The following PCM1 variants were observed in gnomAD, a reference collection of about 807,000 sequenced individuals.
PCM1 encodes pericentriolar material 1.
PCM1 carries 157 observed loss-of-function variants against 241.9 expected under a neutral mutation model. The ratio of observed to expected loss-of-function variants is 0.65; its 90% confidence interval spans 0.57 to 0.74. The LOEUF is 0.74. Among genes scored for constraint, PCM1 ranks in the 30% least tolerant of loss-of-function variants. The pLI is 0.00. For missense variants in PCM1, 3,478 were observed against 2,360.1 expected, an observed-to-expected ratio of 1.47 and a Z score of -9.81; for synonymous variants, 1,085 against 784.9, an observed-to-expected ratio of 1.38 and a Z score of -6.39.
intron 23 of PCM1, among the ~76,000 whole-genome samples, chr8:17,978,800 TAAAA>T (rs577300227): frequency 3.8e-4 from 58 of 152,000 alleles, no homozygotes; most frequent in Non-Finnish European, 7.4e-4. Context: ...AAAGTAAAAA[TAAAA>T]TATTAGCAAA....
At chr8:17,970,940 G>A in intron 22 of PCM1, among the ~76,000 whole-genome samples, 1 of 151,946 alleles carries the variant, frequency 6.6e-6, no homozygotes. Flanking sequence ...CTTATTCAGG[G>A]GTCAGAAAAC....
intron 36 of PCM1, among the ~76,000 whole-genome samples, chr8:18,021,614 G>C (rs1172454821): frequency 6.6e-6 from 1 of 152,200 alleles, no homozygotes; most frequent in Admixed American, 6.5e-5. Context: ...CAGGTTATCA[G>C]ATAAACAGGA....
intron 36 of PCM1, among the ~76,000 whole-genome samples, chr8:18,022,618 A>G (rs1239187198): frequency 6.6e-6 from 1 of 152,228 alleles, no homozygotes; most frequent in Non-Finnish European, 1.5e-5. Flanking sequence ...TGTAACTACT[A>G]TTGATTTTAT....
In PCM1 at chr8:18,018,199, C is replaced by T. The variant is rs2093409007; in HGVS notation, c.5841+3359C>T. Among the ~76,000 whole-genome samples, 3 of 152,170 alleles carry T rather than the reference C, an allele frequency of 2.0e-5. No homozygotes were observed. The South Asian group carries it at 6.2e-4, about 32-fold the overall frequency. Reference sequence around the variant, plus strand: ...CTAAATTGAGAGGGCACTTAAAGTTCTCTCTGGAAGGAAAGTTAATTTTAG... The same window carrying T: ...CTAAATTGAGAGGGCACTTAAAGTTTTCTCTGGAAGGAAAGTTAATTTTAG... On this transcript the variant is annotated intron_variant, in intron 36 of 38. Transcript: ENST00000325083.
rs762662917 is a variant in PCM1 at position 17,939,858 on chromosome 8, C to T, written c.780C>T (p.Ile260=). ...EKSYMKFLKK[I]LARDPQQEPM... is the part of the protein sequence containing the mutation. ...CATATATGAAATTTCTTAAAAAAAT[C>T]CTTGTAAGTATTCGACTTTTAAAAT... is the stretch of plus-strand genomic sequence containing the variant. The change falls in exon 6 of 39, where the codon ATC becomes ATT. Residue 260 remains isoleucine, a synonymous_variant. Transcript: ENST00000325083. The T allele has an allele frequency of 1.7e-5, 24 of 1,452,922 alleles. 1 individual carries two copies. The highest frequency in any genetic ancestry group is 4.3e-5 in the African/African-American group (3 of 70,380). 90.0% of individuals were successfully genotyped at this position (1,452,922 alleles called of 1,614,324 possible).
rs762779748 is a variant in PCM1, at chr8:17,962,067, A to C, written c.2356A>C (p.Lys786Gln). The C allele has an allele frequency of 1.2e-6, 2 of 1,609,084 alleles. No individual in the cohort carries two copies. The highest frequency in any genetic ancestry group is 2.2e-5 in the East Asian group (1 of 44,738). ...SAASVGNCPTKKYMPAVTSTP... is the reference protein window; with the variant it reads ...SAASVGNCPTQKYMPAVTSTP... ...TGCTAGTGTGGGTAACTGTCCCACC[A>C]AAAAATATATGCCAGCTGTTACTTC... The change falls in exon 16 of 39, where the codon AAA becomes CAA. Residue 786 changes from lysine (K) to glutamine (Q), a missense_variant. Coordinates refer to ENST00000325083, the MANE Select transcript of PCM1 (RefSeq NM_006197.4).
At chr8:17,982,417 A>G (rs972220614) in intron 24 of PCM1, 20 of 152,184 alleles carry the variant, frequency 1.3e-4, no homozygotes, top group African/African-American at 4.8e-4. Flanking sequence ...AAATATAATG[A>G]TTGAATTTTG....
chr8:17,976,648 C>T (rs1468943752), intron 23 of PCM1, among the ~76,000 whole-genome samples: 1 of 152,136 alleles, frequency 6.6e-6, no homozygotes, highest in Admixed American at 6.5e-5. Context: ...TCCAGAGTGC[C>T]ATGGCTGATC....
chr8:18,025,278 C>A, intron 36 of PCM1, 83 bp from the exon 37 acceptor site: 1 of 757,456 alleles, frequency 1.3e-6, no homozygotes, highest in South Asian at 1.6e-5. Context: ...GATAGAATTA[C>A]TGAGAAAATA....
intron 34 of PCM1, 133 bp from the exon 35 acceptor site, chr8:18,013,831 T>C: frequency 1.6e-6 from 1 of 612,744 alleles, no homozygotes; most frequent in Non-Finnish European, 2.9e-6. Flanking sequence ...CTCCTTGAAA[T>C]AGTTTTAGAA....
Position 17,960,419 on chromosome 8 carries a change from T to G in PCM1, c.2297T>G (p.Leu766Trp), listed in dbSNP as rs2071146222. ...GACATTCAGGAGAAAATTCAAGCAT[T>G]GCAAACGGCATGCCCTGACTTACAG... ...LIDIQEKIQALQTACPDLQLS... is the reference protein window; with the variant it reads ...LIDIQEKIQAWQTACPDLQLS... Residue 766 changes from leucine (L) to tryptophan (W), a missense_variant, in exon 15 of 39, where the codon TTG (leucine) becomes TGG (tryptophan). Coordinates refer to ENST00000325083, the MANE Select transcript of PCM1 (RefSeq NM_006197.4). The G allele has an allele frequency of 6.2e-7, 1 of 1,603,776 alleles. No individual in the cohort carries two copies. Among genetic ancestry groups the G allele is most frequent in the South Asian group, 1.1e-5 (1 of 88,618 alleles).
At position 17,938,892 on chromosome 8, in the gene PCM1, G is replaced by T. The variant is rs1219492674; in HGVS notation, c.495G>T (p.Thr165=). The T allele has an allele frequency of 1.2e-6, 2 of 1,613,734 alleles. No individual in the cohort carries two copies. The highest frequency in any genetic ancestry group is 1.1e-5 in the South Asian group (1 of 91,070). ...DASTNPPNRE[T]IGSAQCKELF... is the part of the protein sequence containing the mutation. Reference sequence around the variant, plus strand: ...CTACAAACCCCCCAAACAGAGAAACGATTGGATCAGCACAGTGTAAAGAGT... The same window carrying T: ...CTACAAACCCCCCAAACAGAGAAACTATTGGATCAGCACAGTGTAAAGAGT... The change falls in exon 5 of 39, where the codon ACG becomes ACT. Residue 165 remains threonine, a synonymous_variant. Coordinates refer to ENST00000325083, the MANE Select transcript of PCM1 (RefSeq NM_006197.4).
chr8:18,006,532 ATGT>A, intron 30 of PCM1, 135 bp downstream of exon 30: 3 of 605,520 alleles, frequency 5.0e-6, no homozygotes, highest in Non-Finnish European at 8.9e-6. Context: ...ATTTGGGATG[ATGT>A]TGTAATACTT....
intron 36 of PCM1, among the ~76,000 whole-genome samples, chr8:18,022,679 A>C (rs1307287735): frequency 6.6e-6 from 1 of 152,208 alleles, no homozygotes; most frequent in African/African-American, 2.4e-5. Flanking sequence ...AACTGGGCCT[A>C]ATCTAGCCAG....
chr8:18,025,522 A>G (rs1305045418), intron 37 of PCM1, 22 bp from the exon 38 acceptor site: 2 of 1,544,580 alleles, frequency 1.3e-6, no homozygotes, highest in Non-Finnish European at 1.8e-6. Flanking sequence ...AATGATTTGT[A>G]TTTTTAATTT....
chr8:17,968,653 A>G (rs1299543566), intron 21 of PCM1, among the ~76,000 whole-genome samples: 2 of 151,940 alleles, frequency 1.3e-5, no homozygotes, highest in Non-Finnish European at 2.9e-5. Flanking sequence ...TAATCACAAT[A>G]TATATGTACT....
At chr8:17,999,479 C>T (rs769782557) in intron 29 of PCM1, among the ~76,000 whole-genome samples, 1 of 152,018 alleles carries the variant, frequency 6.6e-6, no homozygotes, top group African/African-American at 2.4e-5. Flanking sequence ...CCTGGAATGG[C>T]GACCTCACGA....
At chr8:18,004,070 CT>C (rs2090509972) in intron 29 of PCM1, among the ~76,000 whole-genome samples, 1 of 151,824 alleles carries the variant, frequency 6.6e-6, no homozygotes, top group Admixed American at 6.6e-5. Flanking sequence ...CCTAAATGAT[CT>C]ATCCTTATGC....
At chr8:18,003,457 T>G (rs3898982) in intron 29 of PCM1, among the ~76,000 whole-genome samples, 19,339 of 152,184 alleles carry the variant, frequency 0.13, 1,603 homozygotes, top group East Asian at 0.37. Context: ...TAGAATGACC[T>G]TCTCCTCTTT....
Sources: allele counts gnomAD v4.1 joint callset (sites outside exome capture counted in the v4.1 genomes callset), GRCh38; gene constraint gnomAD v4.1.1; transcripts MANE v1.5; gene names NCBI Gene and HGNC (gene_info 2026-07-23, HGNC 2026-07-21).